SLC4A10: variants seen among roughly 807,000 people sequenced by gnomAD.
SLC4A10 encodes sodium-driven chloride bicarbonate exchanger.
Under a neutral mutation model 137.7 loss-of-function variants are expected in SLC4A10, and 42 were observed. The observed-to-expected ratio is 0.30, with a 90% CI of 0.24 to 0.39. The LOEUF (loss-of-function observed/expected upper bound fraction) is 0.39. Among genes scored for constraint, SLC4A10 ranks in the 10% least tolerant of loss-of-function variants. SLC4A10 has a pLI of 1.00. For missense variants in SLC4A10, 925 were observed against 1,355.0 expected, an observed-to-expected ratio of 0.68 and a Z score of 4.98; for synonymous variants, 474 against 464.1, an observed-to-expected ratio of 1.02 and a Z score of -0.27.
intron 8 of SLC4A10, among the ~76,000 whole-genome samples, chr2:161,875,895 A>T (rs991171704): frequency 5.3e-5 from 8 of 152,206 alleles, no homozygotes; most frequent in South Asian, 2.1e-4. Flanking sequence ...CTTCCCAGAG[A>T]ATCCCTATGA....
At chr2:161,769,583 C>T (rs1574871928) in intron 1 of SLC4A10, among the ~76,000 whole-genome samples, 1 of 151,790 alleles carries the variant, frequency 6.6e-6, no homozygotes, top group South Asian at 2.1e-4. Context: ...TTATATGTTC[C>T]CCTCAGAAGG....
chr2:161,890,547 C>T (rs1189229510), intron 10 of SLC4A10, among the ~76,000 whole-genome samples: 1 of 152,022 alleles, frequency 6.6e-6, no homozygotes, highest in Non-Finnish European at 1.5e-5. Flanking sequence ...TAGGTAATGC[C>T]CTTCTTTGTC....
intron 1 of SLC4A10, among the ~76,000 whole-genome samples, chr2:161,753,231 T>C (rs1203484271): frequency 6.6e-6 from 1 of 152,138 alleles, no homozygotes; most frequent in East Asian, 1.9e-4. Context: ...ATTTTTATAC[T>C]TTCAGTGGGC....
At chr2:161,977,449 G>C (rs2105992546) in intron 25 of SLC4A10, 2 of 464,800 alleles carry the variant, frequency 4.3e-6, no homozygotes, top group East Asian at 4.6e-5. Context: ...TTAAGTGCAT[G>C]CTGGAGGAAG....
At chr2:161,726,074 A>G (rs1002938486) in intron 1 of SLC4A10, among the ~76,000 whole-genome samples, 2 of 152,182 alleles carry the variant, frequency 1.3e-5, no homozygotes, top group Non-Finnish European at 2.9e-5. Context: ...TCATCTATTA[A>G]TGATGTCTCA....
At position 161,711,229 on chromosome 2, in the gene SLC4A10, C is replaced by G. The variant is rs1253821453; in HGVS notation, c.49-59744C>G. On this transcript the variant is annotated intron_variant, in intron 1 of 26. Coordinates refer to ENST00000446997, the MANE Select transcript of SLC4A10 (RefSeq NM_001178015.2). Reference sequence around the variant, plus strand: ...TGTCAGTATGAGACTGAAGGTGCACCCAGTCCACTGGCAGGAGGCAGAAGT... The same window carrying G: ...TGTCAGTATGAGACTGAAGGTGCACGCAGTCCACTGGCAGGAGGCAGAAGT... Among the ~76,000 whole-genome samples the G allele has an allele frequency of 3.3e-5, 5 of 151,732 alleles. No homozygotes were observed. The Admixed American group carries it at 3.3e-4, about 10-fold the overall frequency.
intron 2 of SLC4A10, among the ~76,000 whole-genome samples, chr2:161,798,430 T>C (rs991802589): frequency 9.9e-5 from 15 of 151,916 alleles, no homozygotes; most frequent in Non-Finnish European, 1.5e-5. Context: ...ACATTATTAA[T>C]CAGTTTCCAA....
intron 16 of SLC4A10, among the ~76,000 whole-genome samples, chr2:161,944,037 T>C (rs1693240746): frequency 6.6e-6 from 1 of 151,940 alleles, no homozygotes; most frequent in Non-Finnish European, 1.5e-5. Context: ...CTGTGTTCTG[T>C]AGAATAAGCC....
At chr2:161,676,347 G>A in intron 1 of SLC4A10, among the ~76,000 whole-genome samples, 1 of 28,514 alleles carries the variant, frequency 3.5e-5, no homozygotes, top group African/African-American at 1.6e-4. Flanking sequence ...GGATGCGCAT[G>A]TTGAAATGCC....
intron 21 of SLC4A10, among the ~76,000 whole-genome samples, chr2:161,961,519 G>C (rs956848583): frequency 6.7e-6 from 1 of 149,858 alleles, no homozygotes; most frequent in African/African-American, 2.4e-5. Flanking sequence ...ATATGGAAGA[G>C]GTTTTGTTTA....
chr2:161,840,237 G>T (rs2059097325), intron 4 of SLC4A10, among the ~76,000 whole-genome samples: 1 of 152,092 alleles, frequency 6.6e-6, no homozygotes, highest in African/African-American at 2.4e-5. Flanking sequence ...TCAGCTGCTG[G>T]CTTGCACCTA....
At chr2:161,830,711 A>G (rs562864456) in intron 3 of SLC4A10, among the ~76,000 whole-genome samples, 18 of 152,304 alleles carry the variant, frequency 1.2e-4, no homozygotes, top group African/African-American at 4.3e-4. Flanking sequence ...TTTTAAATAA[A>G]TTAATATTTG....
At chr2:161,729,775 A>G (rs2046641348) in intron 1 of SLC4A10, among the ~76,000 whole-genome samples, 1 of 152,200 alleles carries the variant, frequency 6.6e-6, no homozygotes, top group South Asian at 2.1e-4. Flanking sequence ...AAGACATGTC[A>G]GATTAGGAAC....
chr2:161,746,697 C>G (rs558818704), intron 1 of SLC4A10, among the ~76,000 whole-genome samples: 1 of 152,176 alleles, frequency 6.6e-6, no homozygotes, highest in South Asian at 2.1e-4. Flanking sequence ...TGGGTTACAC[C>G]TGAAGCTAGC....
chr2:161,935,074 A>T (rs918038326), intron 15 of SLC4A10, among the ~76,000 whole-genome samples: 1 of 152,140 alleles, frequency 6.6e-6, no homozygotes, highest in African/African-American at 2.4e-5. Flanking sequence ...ATGGTGTGAG[A>T]TAAGGGTCTG....
intron 1 of SLC4A10, among the ~76,000 whole-genome samples, chr2:161,702,830 T>A (rs1377189068): frequency 6.6e-6 from 1 of 151,876 alleles, no homozygotes; most frequent in Non-Finnish European, 1.5e-5. Flanking sequence ...GCAGTGTATC[T>A]TTGTCTATAA....
At chr2:161,856,657 A>G (rs2060122317) in intron 5 of SLC4A10, among the ~76,000 whole-genome samples, 1 of 152,160 alleles carries the variant, frequency 6.6e-6, no homozygotes, top group Admixed American at 6.5e-5. Context: ...TCTTAGCTTT[A>G]CATTATATGG....
intron 5 of SLC4A10, among the ~76,000 whole-genome samples, chr2:161,861,374 T>G (rs2060425755): frequency 6.6e-6 from 1 of 152,226 alleles, no homozygotes; most frequent in South Asian, 2.1e-4. Context: ...TCCTTGTTGC[T>G]GCTGGAAGCC....
chr2:161,866,220 G>T (rs1195880811), intron 6 of SLC4A10, among the ~76,000 whole-genome samples: 1 of 151,836 alleles, frequency 6.6e-6, no homozygotes, highest in Non-Finnish European at 1.5e-5. Flanking sequence ...TACTCTCCGG[G>T]GTTAAACATT....
Sources: allele counts gnomAD v4.1 joint callset (sites outside exome capture counted in the v4.1 genomes callset), GRCh38; gene constraint gnomAD v4.1.1; transcripts MANE v1.5; gene names NCBI Gene and HGNC (gene_info 2026-07-23, HGNC 2026-07-21).